SSTR5: variants seen among roughly 807,000 people sequenced by gnomAD.
The protein encoded by SSTR5 is somatostatin receptor type 5.
SSTR5 carries 1 observed loss-of-function variant against 0.3 expected under a neutral mutation model. That is an observed-to-expected ratio of 2.98 (90% confidence interval 1.06 to 14.15). The LOEUF (loss-of-function observed/expected upper bound fraction) is 14.15. SSTR5 is among the 30% of genes most tolerant of loss of function. The pLI, the probability that SSTR5 is intolerant of heterozygous loss-of-function variation, is 0.12. For synonymous variants in SSTR5, 256 were observed against 263.1 expected (o/e 0.97, Z 0.26); for missense variants, 516 against 543.2 (o/e 0.95, Z 0.50).
At position 1,079,675 on chromosome 16, in the gene SSTR5, C is replaced by T. The variant is rs1214773312; in HGVS notation, c.807C>T (p.Ile269=). 3.7e-6 allele frequency: 6 copies of T among 1,612,464 alleles called. No homozygotes were observed. Among genetic ancestry groups the T allele is most frequent in the Admixed American group, 3.3e-5 (2 of 59,996 alleles). The change falls in exon 2 of 2, where the codon ATC becomes ATT. Residue 269 remains isoleucine (I), a synonymous_variant. Transcript: ENST00000689027. ...GGCTGCCCTTCTTCACCGTCAACATCGTCAACCTGGCCGTGGCGCTGCCCC... is the reference window on the plus strand; with the variant it reads ...GGCTGCCCTTCTTCACCGTCAACATTGTCAACCTGGCCGTGGCGCTGCCCC... ...GCWLPFFTVN[I]VNLAVALPQE... is the part of the protein sequence containing the mutation.
rs1235826767 is a variant in SSTR5 at position 1,072,767 on chromosome 16, G to T, written c.-83G>T. Among the ~76,000 whole-genome samples the T allele has an allele frequency of 7.9e-6, 1 of 126,704 alleles. No homozygotes were observed. Among genetic ancestry groups the T allele is most frequent in the Non-Finnish European group, 1.6e-5 (1 of 63,070 alleles). 83.1% of individuals were successfully genotyped at this position (126,704 alleles called of 152,430 possible). A position where few individuals can be genotyped will look rare whatever the true frequency, so the allele number is the denominator to read the frequency against. On this transcript the variant is annotated 5_prime_UTR_variant, in exon 1 of 2. Coordinates refer to ENST00000689027, the MANE Select transcript of SSTR5 (RefSeq NM_001172560.3). ...CTCCCAGCCGGCGCCCGGGAGCCCG[G>T]AGCCAGTGCCGCGCGGACATCGGGG...
At position 1,079,923 on chromosome 16, in the gene SSTR5, G is replaced by A. The variant is rs553442527; in HGVS notation, c.1055G>A (p.Arg352His). The A allele has an allele frequency of 2.0e-5, 32 of 1,605,608 alleles. No individual in the cohort carries two copies. Among genetic ancestry groups the A allele is most frequent in the Non-Finnish European group, 2.4e-5 (28 of 1,176,796 alleles). The change falls in exon 2 of 2, where the codon CGC becomes CAC. Residue 352 changes from arginine to histidine, a missense_variant. Transcript: ENST00000689027. ...CAGGAGGCCACGCCACCCGCGCACC[G>A]CGCCGCAGCCAACGGGCTTATGCAG... Reference protein sequence around the residue: ...QQQEATPPAHRAAANGLMQTS... With the variant: ...QQQEATPPAHHAAANGLMQTS...
At chr16:1,073,917 T>C (rs965018762) in intron 1 of SSTR5, among the ~76,000 whole-genome samples, 5 of 152,184 alleles carry the variant, frequency 3.3e-5, no homozygotes, top group Non-Finnish European at 7.3e-5. Flanking sequence ...GTGCCTGGTG[T>C]GGAGGGTGCC....
rs1047328181 is a variant in SSTR5, at chr16:1,080,085, G to C, written c.*122G>C. The C allele has an allele frequency of 9.0e-5, 121 of 1,347,942 alleles. No homozygotes were observed. The highest frequency in any genetic ancestry group is 1.1e-4 in the Non-Finnish European group (113 of 1,005,308). The allele number at this position is 1,347,942 out of a possible 1,614,324, so 83.5% of individuals were successfully genotyped here. On this transcript the variant is annotated 3_prime_UTR_variant, in exon 2 of 2. Transcript: ENST00000689027. ...CCGGCGGTGGTGTGAGGACAGAGCTGGCTGAAGCCAGGCTGGGGTAGACAC... is the reference window on the plus strand; with the variant it reads ...CCGGCGGTGGTGTGAGGACAGAGCTCGCTGAAGCCAGGCTGGGGTAGACAC...
Position 1,078,863 on chromosome 16 carries a change from G to T in SSTR5, c.-6G>T. 6.2e-7 allele frequency: 1 copy of T among 1,604,284 alleles called. No individual in the cohort carries two copies. On this transcript the variant is annotated 5_prime_UTR_variant, in exon 2 of 2. Transcript: ENST00000689027. ...GCAGAGCCTGACGCACCCCAGGGCTGCCGCCATGGAGCCCCTGTTCCCAGC... is the reference window on the plus strand; with the variant it reads ...GCAGAGCCTGACGCACCCCAGGGCTTCCGCCATGGAGCCCCTGTTCCCAGC...
At chr16:1,073,933 A>C (rs1164222856) in intron 1 of SSTR5, among the ~76,000 whole-genome samples, 3 of 152,186 alleles carry the variant, frequency 2.0e-5, no homozygotes, top group Admixed American at 1.3e-4. Context: ...GTGCCCCGAG[A>C]AGCGTTCGCG....
At chr16:1,075,715 C>T (rs1012631583) in intron 1 of SSTR5, among the ~76,000 whole-genome samples, 7 of 151,844 alleles carry the variant, frequency 4.6e-5, no homozygotes, top group African/African-American at 4.8e-5. Context: ...CCACGCAGCC[C>T]GCGGGCTGTC....
intron 1 of SSTR5, among the ~76,000 whole-genome samples, chr16:1,075,161 G>A (rs1960167587): frequency 6.6e-6 from 1 of 152,210 alleles, no homozygotes; most frequent in South Asian, 2.1e-4. Flanking sequence ...GGCTCTTGCA[G>A]AATTATGTTC....
rs983414917 is a variant in SSTR5, at chr16:1,076,354, C to CT, written c.-27-2488_-27-2487insT. 3.7e-5 allele frequency among the ~76,000 whole-genome samples: 5 copies of CT among 133,358 alleles called. No individual in the cohort carries two copies. In the South Asian group the frequency reaches 8.4e-4, roughly 22 times the overall value. 87.5% of individuals were successfully genotyped at this position (133,358 alleles called of 152,430 possible). The stretch of plus-strand genomic sequence containing the variant: ...CCCCACCTCCCCTCTTCTCCCACCC[C>CT]GGGGTCTGCGTGGAGGCCACTGCTC... On this transcript the variant is annotated intron_variant, in intron 1 of 1. Coordinates refer to ENST00000689027, the MANE Select transcript of SSTR5 (RefSeq NM_001172560.3).
intron 1 of SSTR5, among the ~76,000 whole-genome samples, 35 bp downstream of exon 1, chr16:1,072,857 G>A (rs72633257): frequency 0.34 from 50,487 of 149,738 alleles, 8,961 homozygotes; most frequent in East Asian, 0.64. Context: ...CCTCCCGCGC[G>A]GGCACCCCCT....
intron 1 of SSTR5, chr16:1,078,359 CA>C: frequency 1.2e-5 from 2 of 167,476 alleles, no homozygotes; most frequent in Non-Finnish European, 2.6e-5. Flanking sequence ...CCATTCATCC[CA>C]GGCGGACAGG....
chr16:1,075,619 G>A (rs528775803), intron 1 of SSTR5, among the ~76,000 whole-genome samples: 195 of 151,918 alleles, frequency 1.3e-3, no homozygotes, highest in Non-Finnish European at 2.3e-3. Flanking sequence ...TCCTTGCTAC[G>A]GAGGAATGGG....
Position 1,079,899 on chromosome 16 carries a change from A to C in SSTR5, c.1031A>C (p.Gln344Pro). 1.2e-6 allele frequency: 2 copies of C among 1,608,778 alleles called. No individual in the cohort carries two copies. The highest frequency in any genetic ancestry group is 1.7e-6 in the Non-Finnish European group (2 of 1,178,422). Residue 344 changes from glutamine (Q) to proline (P), a missense_variant, in exon 2 of 2, where the codon CAG (glutamine) becomes CCG (proline). Gln to Pro is a moderately conservative substitution (Grantham distance 76). Transcript: ENST00000689027. ...EPRPDRIRQQ[Q>P]EATPPAHRAA... ...CGTCCAGACAGGATCCGGCAGCAGC[A>C]GGAGGCCACGCCACCCGCGCACCGC...
Position 1,080,319 on chromosome 16 carries a change from A to G in SSTR5, c.*356A>G, listed in dbSNP as rs1960342343. 6.6e-6 allele frequency among the ~76,000 whole-genome samples: 1 copy of G among 152,176 alleles called. No homozygotes were observed. The highest frequency in any genetic ancestry group is 2.4e-5 in the African/African-American group (1 of 41,440). ...ACTTTTCCAGAAGGCCGGCCAGGCGAGAGGGTCTTCCTGACGGCGGAGCTG... is the reference window on the plus strand; with the variant it reads ...ACTTTTCCAGAAGGCCGGCCAGGCGGGAGGGTCTTCCTGACGGCGGAGCTG... On this transcript the variant is annotated 3_prime_UTR_variant, in exon 2 of 2. Transcript: ENST00000689027.
intron 1 of SSTR5, among the ~76,000 whole-genome samples, chr16:1,074,506 C>T (rs111741535): frequency 5.4e-4 from 82 of 152,330 alleles, no homozygotes; most frequent in African/African-American, 1.9e-3. Flanking sequence ...GCTGAGGCCC[C>T]GCCTCTGGTC....
chr16:1,081,024 G>A lies in SSTR5; in HGVS notation c.*1061G>A, dbSNP rs1362741701. The stretch of plus-strand genomic sequence containing the variant: ...GCAGACAGCACTGCTGAGAGGCAGC[G>A]GCCGCGCGGGTGACGCAAATGGCAG... On this transcript the variant is annotated 3_prime_UTR_variant, in exon 2 of 2. Coordinates refer to ENST00000689027, the MANE Select transcript of SSTR5 (RefSeq NM_001172560.3). The A allele has an allele frequency of 3.0e-5, 14 of 470,092 alleles. No homozygotes were observed. The highest frequency in any genetic ancestry group is 1.6e-4 in the African/African-American group (8 of 50,046). The allele number at this position is 470,092 out of a possible 1,614,324, so 29.1% of individuals were successfully genotyped here. A position where few individuals can be genotyped will look rare whatever the true frequency, so the allele number is the denominator to read the frequency against.
At chr16:1,076,888 G>A (rs960809649) in intron 1 of SSTR5, among the ~76,000 whole-genome samples, 1 of 151,992 alleles carries the variant, frequency 6.6e-6, no homozygotes, top group African/African-American at 2.4e-5. Context: ...TAGCCTAAGC[G>A]TACCTGTTTG....
intron 1 of SSTR5, among the ~76,000 whole-genome samples, chr16:1,074,585 T>C (rs1180426807): frequency 6.6e-6 from 1 of 152,246 alleles, no homozygotes; most frequent in Non-Finnish European, 1.5e-5. Context: ...GGGGAAATGC[T>C]GGGCTGCTTA....
rs1017870888 is a variant in SSTR5, at chr16:1,080,007, C to T, written c.*44C>T. ...GGCGGCCCCGTGTCACCCCCAGGAG[C>T]GGAGGTTGCACTGCGGTGACCCCCA... On this transcript the variant is annotated 3_prime_UTR_variant, in exon 2 of 2. Transcript: ENST00000689027. 14 of 1,542,406 alleles carry T rather than the reference C, an allele frequency of 9.1e-6. No individual in the cohort carries two copies. Among genetic ancestry groups the T allele is most frequent in the Admixed American group, 6.0e-5 (3 of 50,158 alleles).
Sources: gnomAD v4.1 joint callset for allele counts (sites outside exome capture counted in the v4.1 genomes callset) on GRCh38, gnomAD v4.1.1 for gene constraint, MANE v1.5 for transcripts, NCBI Gene and HGNC (gene_info 2026-07-23, HGNC 2026-07-21) for gene names.